The following CDK14 variants were observed in gnomAD, a reference collection of about 807,000 sequenced individuals.
CDK14 encodes cyclin-dependent kinase 14.
In CDK14, 34 loss-of-function variants were observed where a neutral mutation model predicts 60.7. That is an observed-to-expected ratio of 0.56 (90% CI 0.43 to 0.75). CDK14 has a LOEUF of 0.75. CDK14 is among the 30% of genes least tolerant of loss of function. CDK14 has a pLI of 0.00. For synonymous variants in CDK14, 197 were observed against 203.7 expected, an observed-to-expected ratio of 0.97 and a Z score of 0.28; for missense variants, 482 against 564.1, an observed-to-expected ratio of 0.85 and a Z score of 1.47.
At chr7:90,786,424 A>G (rs1028147434) in intron 4 of CDK14, among the ~76,000 whole-genome samples, 3 of 152,162 alleles carry the variant, frequency 2.0e-5, no homozygotes, top group African/African-American at 7.2e-5. Flanking sequence ...GAATTTTGTG[A>G]TTATTTCAAG....
At chr7:90,770,414 C>G (rs1030602237) in intron 4 of CDK14, among the ~76,000 whole-genome samples, 4 of 151,998 alleles carry the variant, frequency 2.6e-5, no homozygotes, top group Admixed American at 1.3e-4. Context: ...GTTAATTGAC[C>G]TTTATTGGGT....
intron 4 of CDK14, among the ~76,000 whole-genome samples, chr7:90,782,441 T>C (rs1319590382): frequency 1.3e-5 from 2 of 152,156 alleles, no homozygotes; most frequent in African/African-American, 2.4e-5. Flanking sequence ...TGGCCAGAAC[T>C]TCCAAAATTT....
intron 2 of CDK14, among the ~76,000 whole-genome samples, chr7:90,711,513 T>C (rs1802057820): frequency 6.6e-6 from 1 of 152,054 alleles, no homozygotes; most frequent in South Asian, 2.1e-4. Context: ...ACAGAAGGAA[T>C]TGTAAGTTTG....
At chr7:90,664,138 A>G (rs1800922740) in intron 2 of CDK14, among the ~76,000 whole-genome samples, 1 of 152,264 alleles carries the variant, frequency 6.6e-6, no homozygotes, top group East Asian at 1.9e-4. Flanking sequence ...GGATATGAAC[A>G]GACACTTCTC....
intron 5 of CDK14, among the ~76,000 whole-genome samples, chr7:90,841,539 G>A (rs1026713135): frequency 6.6e-5 from 10 of 151,614 alleles, no homozygotes; most frequent in Non-Finnish European, 1.0e-4. Context: ...TTGCTTAATT[G>A]CCTCCTTTTT....
intron 12 of CDK14, among the ~76,000 whole-genome samples, chr7:91,085,777 G>A (rs775493505): frequency 6.6e-5 from 10 of 152,120 alleles, no homozygotes; most frequent in African/African-American, 9.7e-5. Flanking sequence ...TTCACAACTG[G>A]TATCTTTAAA....
At chr7:91,033,429 G>A (rs1000884318) in intron 10 of CDK14, among the ~76,000 whole-genome samples, 8 of 152,152 alleles carry the variant, frequency 5.3e-5, no homozygotes, top group Non-Finnish European at 1.0e-4. Flanking sequence ...TCCTCTATTC[G>A]TGCTTTTTAG....
At chr7:91,011,321 G>C (rs1371409390) in intron 10 of CDK14, among the ~76,000 whole-genome samples, 1 of 152,096 alleles carries the variant, frequency 6.6e-6, no homozygotes, top group Non-Finnish European at 1.5e-5. Flanking sequence ...AGGGTTAAGT[G>C]TCCATTCTGT....
At chr7:90,831,530 T>C (rs1789910010) in intron 5 of CDK14, among the ~76,000 whole-genome samples, 1 of 152,122 alleles carries the variant, frequency 6.6e-6, no homozygotes, top group South Asian at 2.1e-4. Context: ...TTAGATTAGA[T>C]TTTTGGGACT....
intron 9 of CDK14, among the ~76,000 whole-genome samples, chr7:90,960,660 T>C (rs1037327770): frequency 6.6e-6 from 1 of 152,162 alleles, no homozygotes; most frequent in Non-Finnish European, 1.5e-5. Flanking sequence ...GCATTGCTTT[T>C]TTATTAAATA....
At chr7:90,749,453 G>A (rs1803730250) in intron 4 of CDK14, among the ~76,000 whole-genome samples, 1 of 152,044 alleles carries the variant, frequency 6.6e-6, no homozygotes, top group Non-Finnish European at 1.5e-5. Flanking sequence ...GGCAGTTAGA[G>A]CACCTGCTCA....
chr7:91,158,052 A>G (rs1801036367), intron 14 of CDK14, among the ~76,000 whole-genome samples: 1 of 147,962 alleles, frequency 6.8e-6, no homozygotes, highest in South Asian at 2.1e-4. Context: ...AACATTTTTT[A>G]TATAATATAT....
chr7:91,187,908 C>T (rs1249279964), intron 14 of CDK14, among the ~76,000 whole-genome samples: 2 of 152,182 alleles, frequency 1.3e-5, no homozygotes, highest in Non-Finnish European at 2.9e-5. Flanking sequence ...ACAGTACGCA[C>T]GGTTTAGCAA....
At chr7:91,188,179 T>C (rs1802248510) in intron 14 of CDK14, among the ~76,000 whole-genome samples, 1 of 151,914 alleles carries the variant, frequency 6.6e-6, no homozygotes, top group Non-Finnish European at 1.5e-5. Flanking sequence ...TACTGTGTGA[T>C]TCATTTTTTT....
chr7:90,982,019 G>A (rs1452175558), intron 9 of CDK14, among the ~76,000 whole-genome samples: 1 of 152,118 alleles, frequency 6.6e-6, no homozygotes, highest in Non-Finnish European at 1.5e-5. Context: ...TATCTAATTG[G>A]CTGTCTGTCC....
rs572494843 is a variant in CDK14 at position 90,990,530 on chromosome 7, G to A, written c.1041+6289G>A. Among the ~76,000 whole-genome samples, 10 of 151,996 alleles carry A rather than the reference G, an allele frequency of 6.6e-5. No homozygotes were observed. In the South Asian group the frequency reaches 1.5e-3, roughly 22 times the overall value. ...CTATAGGCATAGTCATTTACATGGC[G>A]AAAAATCTTTTTCAGAGAATCAACT... On this transcript the variant is annotated intron_variant, in intron 10 of 14. Transcript: ENST00000380050.
intron 8 of CDK14, among the ~76,000 whole-genome samples, chr7:90,925,596 G>A (rs1321867197): frequency 1.3e-5 from 2 of 152,222 alleles, no homozygotes; most frequent in Non-Finnish European, 2.9e-5. Context: ...TTATAGTGGT[G>A]TGTGCCTGTG....
chr7:90,865,056 G>A (rs1236468511), intron 6 of CDK14, among the ~76,000 whole-genome samples: 1 of 152,068 alleles, frequency 6.6e-6, no homozygotes, highest in East Asian at 1.9e-4. Flanking sequence ...GTCTACCTGT[G>A]TTGCCTTACT....
intron 2 of CDK14, among the ~76,000 whole-genome samples, chr7:90,644,592 A>G (rs1800419157): frequency 6.6e-6 from 1 of 152,236 alleles, no homozygotes; most frequent in Non-Finnish European, 1.5e-5. Context: ...TGGGAAACTC[A>G]CATCCTCTTC....
Sources: gnomAD v4.1 joint callset for allele counts (sites outside exome capture counted in the v4.1 genomes callset) on GRCh38, gnomAD v4.1.1 for gene constraint, MANE v1.5 for transcripts, NCBI Gene and HGNC (gene_info 2026-07-23, HGNC 2026-07-21) for gene names.